Variants in RHOBTB1 observed in about 807,000 individuals in gnomAD.
RHOBTB1 encodes the protein Rho related BTB domain containing 1.
Under a neutral mutation model 71.6 loss-of-function variants are expected in RHOBTB1, and 40 were observed. The observed-to-expected ratio is 0.56, with a 90% CI of 0.43 to 0.73. The LOEUF (loss-of-function observed/expected upper bound fraction) is 0.73, where lower values mean the gene tolerates loss of function less well. Ranked by LOEUF, RHOBTB1 falls within the 30% of genes least tolerant of loss-of-function variation. RHOBTB1 has a pLI of 0.00. For missense variants in RHOBTB1, 797 were observed against 894.0 expected (o/e 0.89, Z 1.38); for synonymous variants, 319 against 334.9 (o/e 0.95, Z 0.52).
intron 2 of RHOBTB1, among the ~76,000 whole-genome samples, chr10:60,916,161 T>C (rs575990382): frequency 9.0e-4 from 137 of 152,310 alleles, no homozygotes; most frequent in African/African-American, 3.1e-3. Flanking sequence ...GTGGAGGTGA[T>C]GCTGTGTGAG....
At chr10:60,958,401 G>T (rs916051123) in intron 2 of RHOBTB1, among the ~76,000 whole-genome samples, 1 of 152,102 alleles carries the variant, frequency 6.6e-6, no homozygotes. Flanking sequence ...TCTTAATATT[G>T]CACAGGTCAG....
chr10:60,985,335 T>A (rs147392718), intron 2 of RHOBTB1, among the ~76,000 whole-genome samples: 22 of 152,312 alleles, frequency 1.4e-4, no homozygotes, highest in African/African-American at 5.3e-4. Flanking sequence ...CTGATTTTAC[T>A]CACTTGGGAT....
chr10:60,873,706 G>A (rs2080909247), intron 9 of RHOBTB1, among the ~76,000 whole-genome samples: 1 of 152,250 alleles, frequency 6.6e-6, no homozygotes, highest in Non-Finnish European at 1.5e-5. Flanking sequence ...AATTCCAAGT[G>A]TGAACAACCA....
intron 9 of RHOBTB1, 44 bp from the exon 10 acceptor site, chr10:60,872,334 G>A (rs372751302): frequency 2.7e-5 from 38 of 1,396,292 alleles, no homozygotes; most frequent in Non-Finnish European, 3.6e-5. Flanking sequence ...ATTTTCTAAA[G>A]AGGGGCTACA....
intron 2 of RHOBTB1, among the ~76,000 whole-genome samples, chr10:60,925,473 G>A (rs867574819): frequency 2.1e-4 from 32 of 151,828 alleles, no homozygotes; most frequent in East Asian, 5.8e-4. Flanking sequence ...TGCCTATATC[G>A]AAAAAGTAGA....
chr10:60,866,352 G>C (rs1420918333), downstream of RHOBTB1, among the ~76,000 whole-genome samples: 4 of 152,190 alleles, frequency 2.6e-5, no homozygotes, highest in African/African-American at 4.8e-5. Context: ...CAGAAAAGTA[G>C]ATAGAAGGAA....
At chr10:60,872,345 A>G in intron 9 of RHOBTB1, 55 bp from the exon 10 acceptor site, 1 of 1,280,020 alleles carries the variant, frequency 7.8e-7, no homozygotes. Flanking sequence ...AGGGGCTACA[A>G]AGAAATTGGG....
chr10:60,905,619 T>C (rs1483650109), intron 4 of RHOBTB1, among the ~76,000 whole-genome samples: 1 of 151,900 alleles, frequency 6.6e-6, no homozygotes, highest in African/African-American at 2.4e-5. Context: ...TTTTTAAGAT[T>C]ATTATTATTT....
chr10:60,916,351 T>C (rs1201152623), intron 2 of RHOBTB1, among the ~76,000 whole-genome samples: 1 of 152,216 alleles, frequency 6.6e-6, no homozygotes, highest in Non-Finnish European at 1.5e-5. Flanking sequence ...CAAAGCCATC[T>C]TGGACCTTCC....
At position 60,888,956 on chromosome 10, in the gene RHOBTB1, C is replaced by T. The variant is rs141622630; in HGVS notation, c.712G>A (p.Ala238Thr). 47 of 1,613,948 alleles carry T rather than the reference C, an allele frequency of 2.9e-5. No homozygotes were observed. The highest frequency in any genetic ancestry group is 3.7e-5 in the Non-Finnish European group (44 of 1,180,022). Reference sequence around the variant, plus strand: ...GGAATTTTGATGACCGGTGGAGGGGCTTTTGGAGGTAGGAAGGGTGCCTGA... The same window carrying T: ...GGAATTTTGATGACCGGTGGAGGGGTTTTTGGAGGTAGGAAGGGTGCCTGA... ...LLQAPFLPPK[A>T]PPPVIKIPEC... Residue 238 changes from alanine (A) to threonine (T), a missense_variant, in exon 6 of 11, where the codon GCC becomes ACC. Transcript: ENST00000337910.
At chr10:60,910,258 A>G (rs2082898339) in intron 4 of RHOBTB1, among the ~76,000 whole-genome samples, 2 of 152,192 alleles carry the variant, frequency 1.3e-5, no homozygotes, top group South Asian at 4.1e-4. Context: ...AGGCACTTTG[A>G]CCATGTTCCT....
chr10:60,928,362 G>A (rs553502168), intron 2 of RHOBTB1, among the ~76,000 whole-genome samples: 142 of 151,960 alleles, frequency 9.3e-4, no homozygotes, highest in Admixed American at 1.8e-3. Flanking sequence ...ATATCAAAGC[G>A]ATATCTGCAT....
intron 1 of RHOBTB1, among the ~76,000 whole-genome samples, chr10:60,999,415 T>A (rs1474088795): frequency 2.0e-5 from 3 of 152,196 alleles, no homozygotes; most frequent in Non-Finnish European, 4.4e-5. Flanking sequence ...AAGTAGCGTA[T>A]AAGAAACGGG....
intron 1 of RHOBTB1, among the ~76,000 whole-genome samples, chr10:60,986,433 A>ATATATATATATATATATAAT (rs35572813): frequency 7.3e-6 from 1 of 136,402 alleles, no homozygotes; most frequent in African/African-American, 2.8e-5. Flanking sequence ...ATATATATAA[A>ATATATATATATATATATAAT]ATATATATAG....
At chr10:60,949,291 G>T (rs2085335709) in intron 2 of RHOBTB1, among the ~76,000 whole-genome samples, 1 of 152,140 alleles carries the variant, frequency 6.6e-6, no homozygotes, top group Admixed American at 6.5e-5. Context: ...TCATGTCATG[G>T]ATATGTCAAC....
downstream of RHOBTB1, among the ~76,000 whole-genome samples, chr10:60,867,480 G>A (rs2080640159): frequency 6.6e-6 from 1 of 152,218 alleles, no homozygotes; most frequent in South Asian, 2.1e-4. Flanking sequence ...GTAAATCCAT[G>A]TCGCTGTGGA....
At chr10:60,872,062 C>A (rs925767037) in intron 10 of RHOBTB1, 123 bp downstream of exon 10, 2 of 765,498 alleles carry the variant, frequency 2.6e-6, no homozygotes, top group African/African-American at 3.4e-5. Flanking sequence ...TGACCACCAG[C>A]CAGTCTCGAG....
At chr10:60,913,724 C>T (rs1373642629) in intron 2 of RHOBTB1, among the ~76,000 whole-genome samples, 1 of 152,112 alleles carries the variant, frequency 6.6e-6, no homozygotes, top group Admixed American at 6.6e-5. Flanking sequence ...AATTACCCAG[C>T]CCCAAATGTT....
intron 2 of RHOBTB1, among the ~76,000 whole-genome samples, chr10:60,962,029 A>G (rs2085799855): frequency 6.6e-6 from 1 of 152,032 alleles, no homozygotes; most frequent in Admixed American, 6.6e-5. Context: ...GCTGGTCTCA[A>G]ACTCCTGACC....
Sources: allele counts gnomAD v4.1 joint callset (sites outside exome capture counted in the v4.1 genomes callset), GRCh38; gene constraint gnomAD v4.1.1; transcripts MANE v1.5; gene names NCBI Gene and HGNC (gene_info 2026-07-23, HGNC 2026-07-21).